Variants in GPM6B observed in about 807,000 individuals in gnomAD.
GPM6B encodes glycoprotein M6B.
A neutral mutation model predicts 27.2 loss-of-function variants in GPM6B; 4 were observed. The ratio of observed to expected loss-of-function variants is 0.15; its 90% CI spans 0.07 to 0.34. The LOEUF (loss-of-function observed/expected upper bound fraction) is 0.34. GPM6B is among the 10% of genes least tolerant of loss of function. The probability of loss-of-function intolerance (pLI) is 1.00; values close to 1 mark genes in which losing one functional copy is unlikely to be tolerated. For synonymous variants in GPM6B, 124 were observed against 103.1 expected, an observed-to-expected ratio of 1.20 and a Z score of -1.23; for missense variants, 183 against 261.9, an observed-to-expected ratio of 0.70 and a Z score of 2.08.
intron 1 of GPM6B, among the ~76,000 whole-genome samples, chrX:13,896,852 G>A (rs2050237953): frequency 8.9e-6 from 1 of 112,152 alleles, no homozygotes. Context: ...ACAGGCATGA[G>A]CCACCGCACT....
chrX:13,808,781 C>T (rs914373666), intron 1 of GPM6B, among the ~76,000 whole-genome samples: 1 of 111,908 alleles, frequency 8.9e-6, no homozygotes, highest in Non-Finnish European at 1.9e-5. Flanking sequence ...ACTAAAGCCA[C>T]AGTGTGAGGC....
At chrX:13,821,637 C>T (rs753006803), upstream of GPM6B, among the ~76,000 whole-genome samples, 1 of 111,871 alleles carries the variant, frequency 8.9e-6, no homozygotes, top group East Asian at 2.8e-4. Context: ...GCTCTTGTTG[C>T]CTAGGCTGGA....
At chrX:13,842,030 C>T (rs529344537) in intron 1 of GPM6B, among the ~76,000 whole-genome samples, 6 of 111,952 alleles carry the variant, frequency 5.4e-5, no homozygotes, top group Non-Finnish European at 1.1e-4. Context: ...GGTCTATGTC[C>T]CCCCAATTTA....
intron 1 of GPM6B, among the ~76,000 whole-genome samples, chrX:13,916,927 T>C (rs751850733): frequency 7.2e-5 from 8 of 111,412 alleles, no homozygotes; most frequent in Non-Finnish European, 1.5e-4. Context: ...TCAACAAACA[T>C]GAGGCCAGGT....
chrX:13,817,092 C>G lies in GPM6B; in HGVS notation c.-188G>C. The G allele has an allele frequency of 9.9e-7, 1 of 1,014,361 alleles. No individual in the cohort carries two copies. The highest frequency in any genetic ancestry group is 1.2e-6 in the Non-Finnish European group (1 of 802,832). 83.6% of individuals were successfully genotyped at this position (1,014,361 alleles called of 1,213,427 possible). ...AAGTCTTGTCAGCGTCAATTTCGCT[C>G]TGCCTACTGGTCCATAAAGACAGCT... On this transcript the variant is annotated 5_prime_UTR_variant, in exon 1 of 8. Transcript: ENST00000316715.
intron 1 of GPM6B, among the ~76,000 whole-genome samples, chrX:13,878,771 C>T (rs1212126695): frequency 9.0e-6 from 1 of 111,680 alleles, no homozygotes; most frequent in Non-Finnish European, 1.9e-5. Context: ...CCAGGTAGAC[C>T]CAACGTTATC....
intron 1 of GPM6B, among the ~76,000 whole-genome samples, chrX:13,816,137 C>T (rs919387831): frequency 7.2e-5 from 8 of 111,847 alleles, no homozygotes; most frequent in Admixed American, 2.8e-4. Context: ...ACTGCAAAAA[C>T]ACTTTATTCT....
intron 1 of GPM6B, among the ~76,000 whole-genome samples, chrX:13,913,044 T>C (rs1257194818): frequency 1.8e-5 from 2 of 112,195 alleles, no homozygotes; most frequent in African/African-American, 6.5e-5. Context: ...TTTGTGTAGC[T>C]GAGAGCCATA....
At chrX:13,796,760 T>C (rs1244259326) in intron 2 of GPM6B, among the ~76,000 whole-genome samples, 1 of 112,591 alleles carries the variant, frequency 8.9e-6, no homozygotes, top group Non-Finnish European at 1.9e-5. Context: ...ATGGAAGTCT[T>C]AAAATAGATG....
chrX:13,923,890 CTTATG>C (rs1446891275), intron 1 of GPM6B, among the ~76,000 whole-genome samples: 4 of 111,484 alleles, frequency 3.6e-5, no homozygotes, highest in Non-Finnish European at 7.5e-5. Flanking sequence ...TTTTTATTTT[CTTATG>C]TTATGATATG....
At chrX:13,893,905 C>A (rs771002117) in intron 1 of GPM6B, among the ~76,000 whole-genome samples, 2 of 112,273 alleles carry the variant, frequency 1.8e-5, no homozygotes, top group Non-Finnish European at 3.8e-5. Flanking sequence ...ATGTTGTAAA[C>A]GGATGGAGGT....
At chrX:13,871,488 C>G in intron 1 of GPM6B, among the ~76,000 whole-genome samples, 1 of 112,034 alleles carries the variant, frequency 8.9e-6, no homozygotes, top group Non-Finnish European at 1.9e-5. Context: ...GGATGAGAAT[C>G]GAGTTAGATT....
At chrX:13,872,975 G>C (rs1395770353) in intron 1 of GPM6B, among the ~76,000 whole-genome samples, 6 of 110,865 alleles carry the variant, frequency 5.4e-5, no homozygotes, top group African/African-American at 2.0e-4. Context: ...CTAGTGAAGA[G>C]GTGGGAATCT....
chrX:13,897,163 G>A (rs1328010855), intron 1 of GPM6B, among the ~76,000 whole-genome samples: 1 of 112,179 alleles, frequency 8.9e-6, no homozygotes, highest in African/African-American at 3.2e-5. Context: ...CTTGAGATTT[G>A]TTAGAGTTGT....
At chrX:13,864,074 G>A (rs2049882012) in intron 1 of GPM6B, among the ~76,000 whole-genome samples, 1 of 112,108 alleles carries the variant, frequency 8.9e-6, no homozygotes, top group South Asian at 3.7e-4. Context: ...AGTTGTTACA[G>A]ATTGAACCAA....
intron 1 of GPM6B, among the ~76,000 whole-genome samples, chrX:13,814,841 G>C (rs750244890): frequency 3.6e-5 from 4 of 112,088 alleles, no homozygotes; most frequent in Non-Finnish European, 7.5e-5. Context: ...CCCCTGGCTT[G>C]TATTCTTATT....
At chrX:13,782,446 T>C (rs754854102) in intron 4 of GPM6B, among the ~76,000 whole-genome samples, 15 of 111,626 alleles carry the variant, frequency 1.3e-4, no homozygotes, top group Admixed American at 3.8e-4. Context: ...TGGTGGAAAC[T>C]AGACCTCTAT....
At chrX:13,798,857 C>G (rs975725038) in intron 2 of GPM6B, among the ~76,000 whole-genome samples, 11 of 112,021 alleles carry the variant, frequency 9.8e-5, no homozygotes, top group African/African-American at 3.6e-4. Context: ...GCATCCCTGA[C>G]CTCTACACCA....
At chrX:13,847,815 C>T (rs966842044) in intron 1 of GPM6B, among the ~76,000 whole-genome samples, 27 of 111,944 alleles carry the variant, frequency 2.4e-4, no homozygotes, top group Non-Finnish European at 3.0e-4. Flanking sequence ...TTGGTATGGC[C>T]ATAAACCAAT....
Sources: allele counts gnomAD v4.1 joint callset (sites outside exome capture counted in the v4.1 genomes callset), GRCh38; gene constraint gnomAD v4.1.1; transcripts MANE v1.5; gene names NCBI Gene and HGNC (gene_info 2026-07-23, HGNC 2026-07-21).